Variants in C11orf65 observed in about 807,000 individuals in gnomAD.
C11orf65 encodes the protein protein MFI.
In C11orf65, 38 loss-of-function variants were observed where a neutral mutation model predicts 35.3. The observed-to-expected ratio is 1.08, with a 90% CI of 0.83 to 1.41. The LOEUF is 1.41. C11orf65 is among the 40% of genes most tolerant of loss of function. The pLI is 0.00. For synonymous variants in C11orf65, 105 were observed against 114.4 expected (o/e 0.92, Z 0.53); for missense variants, 370 against 367.1 (o/e 1.01, Z -0.06).
chr11:108,353,503 C>T (rs146286847), intron 2 of C11orf65, among the ~76,000 whole-genome samples: 1 of 152,188 alleles, frequency 6.6e-6, no homozygotes, highest in African/African-American at 2.4e-5. Flanking sequence ...CCAGTAGTTA[C>T]TTCATTTTTA....
chr11:108,442,639 C>G (rs369184178), intron 2 of C11orf65, among the ~76,000 whole-genome samples: 6 of 151,362 alleles, frequency 4.0e-5, no homozygotes, highest in East Asian at 3.9e-4. Flanking sequence ...AGCAGAAACT[C>G]TACAAGCCAG....
downstream of C11orf65, chr11:108,327,713 G>A (rs140104789): frequency 5.3e-5 from 85 of 1,613,852 alleles, no homozygotes; most frequent in African/African-American, 8.3e-4. Context: ...TAGCAGAAAC[G>A]TGCTTAGAAA....
At chr11:108,315,058 G>A (rs1256819224) in intron 6 of C11orf65, among the ~76,000 whole-genome samples, 1 of 152,146 alleles carries the variant, frequency 6.6e-6, no homozygotes, top group Non-Finnish European at 1.5e-5. Context: ...TGTTAATCAA[G>A]GCTTATAGTA....
At chr11:108,371,183 A>G (rs1057368494) in intron 2 of C11orf65, among the ~76,000 whole-genome samples, 2 of 152,182 alleles carry the variant, frequency 1.3e-5, no homozygotes, top group African/African-American at 2.4e-5. Flanking sequence ...TTGCCATGAT[A>G]TAAGTGTGTG....
At chr11:108,440,117 A>G (rs1311282003) in intron 2 of C11orf65, among the ~76,000 whole-genome samples, 1 of 152,202 alleles carries the variant, frequency 6.6e-6, no homozygotes, top group Admixed American at 6.5e-5. Flanking sequence ...ACATGTTATG[A>G]GCTTCTTACA....
intron 6 of C11orf65, among the ~76,000 whole-genome samples, chr11:108,322,629 A>T (rs1399635527): frequency 6.6e-6 from 1 of 152,168 alleles, no homozygotes; most frequent in Non-Finnish European, 1.5e-5. Context: ...GATGCTGTAG[A>T]TCTAAATTCT....
intron 3 of C11orf65, among the ~76,000 whole-genome samples, chr11:108,417,584 G>A (rs1201006430): frequency 6.6e-6 from 1 of 151,760 alleles, no homozygotes; most frequent in Non-Finnish European, 1.5e-5. Context: ...AAAACCTGCT[G>A]CCTATAAAAA....
At chr11:108,437,110 A>AAAAAAGG (rs35610227) in intron 2 of C11orf65, among the ~76,000 whole-genome samples, 1 of 101,930 alleles carries the variant, frequency 9.8e-6, no homozygotes, top group Non-Finnish European at 1.9e-5. Context: ...AAAAAAAAAA[A>AAAAAAGG]GGGGGGGGGT....
At position 108,370,043 on chromosome 11, in the gene C11orf65, C is replaced by T. The variant is rs1591401672; in HGVS notation, c.226+23165G>A. Among the ~76,000 whole-genome samples, 4 of 152,210 alleles carry T rather than the reference C, an allele frequency of 2.6e-5. No homozygotes were observed. The East Asian group carries it at 7.7e-4, about 29-fold the overall frequency. ...CTCTTAATGGAGTTTTTTTGGTTGA[C>T]AGACATTTTTATTAGTGTTTTCATT... On this transcript the variant is annotated intron_variant, in intron 2 of 3. Transcript: ENST00000524755.
intron 2 of C11orf65, chr11:108,343,137 TTGCAC>T: frequency 6.4e-7 from 1 of 1,557,012 alleles, no homozygotes; most frequent in Middle Eastern, 1.7e-4. Context: ...AAAAAATGCT[TTGCAC>T]TGACTCTGAT....
chr11:108,464,736 C>G (rs2093514168), intron 1 of C11orf65, among the ~76,000 whole-genome samples: 1 of 152,052 alleles, frequency 6.6e-6, no homozygotes, highest in African/African-American at 2.4e-5. Flanking sequence ...TAGGAAGGGA[C>G]CTGTGGACTG....
intron 6 of C11orf65, among the ~76,000 whole-genome samples, chr11:108,396,099 C>T (rs745512204): frequency 4.6e-5 from 7 of 151,758 alleles, no homozygotes; most frequent in Non-Finnish European, 4.4e-5. Context: ...AGATTTTAAA[C>T]GGATAATGAT....
intron 2 of C11orf65, among the ~76,000 whole-genome samples, chr11:108,343,906 G>A (rs879007357): frequency 1.4e-4 from 21 of 152,246 alleles, no homozygotes; most frequent in African/African-American, 4.3e-4. Flanking sequence ...ATATTCATTC[G>A]CTGAATCAGC....
At chr11:108,323,169 T>C (rs2085354945) in intron 6 of C11orf65, among the ~76,000 whole-genome samples, 1 of 152,004 alleles carries the variant, frequency 6.6e-6, no homozygotes, top group South Asian at 2.1e-4. Context: ...CAGAAGAAAA[T>C]AATAATAGTT....
chr11:108,430,390 C>T (rs553372165), intron 3 of C11orf65, among the ~76,000 whole-genome samples: 99 of 150,870 alleles, frequency 6.6e-4, no homozygotes, highest in African/African-American at 2.2e-3. Flanking sequence ...CCGCCCGCCT[C>T]GGCCTCCCAA....
Position 108,353,805 on chromosome 11 carries a change from A to T in C11orf65, c.227-18513T>A, listed in dbSNP as rs786202826. The T allele has an allele frequency of 6.2e-7, 1 of 1,614,112 alleles. No homozygotes were observed. The highest frequency in any genetic ancestry group is 1.1e-5 in the South Asian group (1 of 91,084). On this transcript the variant is annotated intron_variant, in intron 2 of 3. Transcript: ENST00000524755. ...CAGGGCAAAATCCTTCCTACTCCTG[A>T]GACAGTTCCTTTTAGACTCACCAGA...
intron 6 of C11orf65, among the ~76,000 whole-genome samples, chr11:108,402,303 A>G (rs2092453163): frequency 6.6e-6 from 1 of 152,202 alleles, no homozygotes; most frequent in African/African-American, 2.4e-5. Context: ...TTGGAAGTTC[A>G]AGATTCTTAG....
At chr11:108,417,932 C>A in intron 3 of C11orf65, among the ~76,000 whole-genome samples, 2 of 146,232 alleles carry the variant, frequency 1.4e-5, no homozygotes, top group Non-Finnish European at 1.5e-5. Context: ...AAAAAGGAAA[C>A]ACAATATTAC....
downstream of C11orf65, among the ~76,000 whole-genome samples, chr11:108,381,943 TC>T (rs2091873849): frequency 6.6e-6 from 1 of 152,026 alleles, no homozygotes; most frequent in Non-Finnish European, 1.5e-5. Flanking sequence ...TTGCTCTCTC[TC>T]TCTCTCTCTC....
Sources: allele counts gnomAD v4.1 joint callset (sites outside exome capture counted in the v4.1 genomes callset), GRCh38; gene constraint gnomAD v4.1.1; transcripts MANE v1.5; gene names NCBI Gene and HGNC (gene_info 2026-07-23, HGNC 2026-07-21).